The following SGK1 variants were observed in gnomAD, a reference collection of about 807,000 sequenced individuals.
SGK1 encodes the protein serum/glucocorticoid regulated kinase 1.
Under a neutral mutation model 64.2 loss-of-function variants are expected in SGK1, and 26 were observed. The observed-to-expected ratio is 0.40, with a 90% confidence interval of 0.30 to 0.56. SGK1 has a LOEUF of 0.56. SGK1 is among the 20% of genes least tolerant of loss of function. The pLI is 0.38. For synonymous variants in SGK1, 265 were observed against 239.7 expected (o/e 1.11, Z -0.98); for missense variants, 519 against 645.6 (o/e 0.80, Z 2.12).
intron 3 of SGK1, among the ~76,000 whole-genome samples, chr6:134,195,371 A>C (rs1381170665): frequency 6.6e-6 from 1 of 152,228 alleles, no homozygotes; most frequent in African/African-American, 2.4e-5. Context: ...AGCTTCAGAA[A>C]GCTAAACCCT....
intron 3 of SGK1, among the ~76,000 whole-genome samples, chr6:134,206,049 C>T (rs1316144905): frequency 6.6e-6 from 1 of 152,038 alleles, no homozygotes; most frequent in Non-Finnish European, 1.5e-5. Context: ...AATTTCTAAT[C>T]ATATAACCTG....
At position 134,172,197 on chromosome 6, in the gene SGK1, G is replaced by A. The variant is rs752059456; in HGVS notation, c.1067C>T (p.Pro356Leu). Residue 356 changes from proline to leucine, a missense_variant, in exon 10 of 14, where the codon CCG becomes CTG. By Grantham distance (98) the Pro-to-Leu change is moderately conservative (BLOSUM62 -3). Transcript: ENST00000367858. ...CCAAACCAAGACAGCGCCTACCTCC[G>A]GCGTGCCACAGAAGGTGGATGTTGT... ...NSTTSTFCGT[P>L]EYLAPEVLHK... is the part of the protein sequence containing the mutation. 8 of 1,613,788 alleles carry A rather than the reference G, an allele frequency of 5.0e-6. No individual in the cohort carries two copies. Among genetic ancestry groups the A allele is most frequent in the African/African-American group, 2.7e-5 (2 of 74,906 alleles).
At chr6:134,312,463 T>G (rs1777621906) in intron 1 of SGK1, among the ~76,000 whole-genome samples, 1 of 152,162 alleles carries the variant, frequency 6.6e-6, no homozygotes, top group African/African-American at 2.4e-5. Context: ...TCTGCTAGAG[T>G]AAACATTGTA....
chr6:134,232,942 G>A (rs988228200), intron 2 of SGK1, among the ~76,000 whole-genome samples: 1 of 151,626 alleles, frequency 6.6e-6, no homozygotes, highest in Non-Finnish European at 1.5e-5. Context: ...GTGGGAGTAC[G>A]GATGCTCTTG....
intron 2 of SGK1, among the ~76,000 whole-genome samples, chr6:134,254,981 G>A (rs781132604): frequency 6.6e-6 from 1 of 151,970 alleles, no homozygotes; most frequent in African/African-American, 2.4e-5. Flanking sequence ...CAATTCTCCA[G>A]CCTCAACCTC....
intron 3 of SGK1, among the ~76,000 whole-genome samples, chr6:134,190,416 G>T (rs1366747781): frequency 6.6e-6 from 1 of 151,852 alleles, no homozygotes; most frequent in Non-Finnish European, 1.5e-5. Context: ...CTCCCAAGTA[G>T]CTGGGATTAC....
chr6:134,173,209 C>T, intron 7 of SGK1, 55 bp from the exon 8 acceptor site: 1 of 1,609,694 alleles, frequency 6.2e-7, no homozygotes, highest in Non-Finnish European at 8.5e-7. Context: ...CACCAACATT[C>T]CAGAATCAAG....
At chr6:134,227,940 ATTCTTTT>A (rs1776210914) in intron 2 of SGK1, among the ~76,000 whole-genome samples, 1 of 121,808 alleles carries the variant, frequency 8.2e-6, no homozygotes, top group Non-Finnish European at 1.6e-5. Context: ...AATGGAATTC[ATTCTTTT>A]TTTTTTTTTT....
chr6:134,281,522 T>C lies in SGK1; in HGVS notation c.70-19374A>G, dbSNP rs182921139. On this transcript the variant is annotated intron_variant, in intron 1 of 13. Coordinates refer to ENST00000367858, the MANE Select transcript of SGK1 (RefSeq NM_001143676.3). ...TAAAACTGGCTACCAATTTGTTCTT[T>C]TTTTTTTTTTTTAGAGACAGATTCT... is the stretch of plus-strand genomic sequence containing the variant. Among the ~76,000 whole-genome samples, 726 of 150,774 alleles carry C rather than the reference T, an allele frequency of 4.8e-3. 7 individuals carry two copies. The highest frequency in any genetic ancestry group is 0.017 in the African/African-American group (683 of 41,224).
intron 2 of SGK1, among the ~76,000 whole-genome samples, chr6:134,229,892 C>T (rs1776250045): frequency 6.6e-6 from 1 of 151,920 alleles, no homozygotes; most frequent in Non-Finnish European, 1.5e-5. Context: ...AAGAAAACAT[C>T]TTGTTTAGAA....
At chr6:134,170,590 T>A in intron 13 of SGK1, 155 bp from the exon 14 acceptor site, 1 of 726,880 alleles carries the variant, frequency 1.4e-6, no homozygotes. Flanking sequence ...TACACACAGT[T>A]AAACATAAGA....
intron 2 of SGK1, among the ~76,000 whole-genome samples, chr6:134,232,484 A>AAAGAAAGAAAGAAAGG (rs1776305295): frequency 7.5e-6 from 1 of 132,556 alleles, no homozygotes; most frequent in Non-Finnish European, 1.6e-5. Flanking sequence ...AGAAAGAAAG[A>AAAGAAAGAAAGAAAGG]GAAAGAAAAA....
At chr6:134,195,925 C>T (rs1420542599) in intron 3 of SGK1, among the ~76,000 whole-genome samples, 1 of 152,124 alleles carries the variant, frequency 6.6e-6, no homozygotes, top group Non-Finnish European at 1.5e-5. Flanking sequence ...ATTCTTCTTT[C>T]AAACCATAGT....
intron 2 of SGK1, among the ~76,000 whole-genome samples, chr6:134,208,165 G>T (rs1230432457): frequency 6.6e-6 from 1 of 152,052 alleles, no homozygotes; most frequent in Non-Finnish European, 1.5e-5. Context: ...GCCCACCTCG[G>T]CCTCTCAAAG....
intron 1 of SGK1, among the ~76,000 whole-genome samples, chr6:134,294,434 A>G (rs1230464404): frequency 6.6e-6 from 1 of 152,024 alleles, no homozygotes; most frequent in Non-Finnish European, 1.5e-5. Context: ...GGACCATTCT[A>G]CTTTCTGTCT....
At chr6:134,233,286 G>A (rs1776318155) in intron 2 of SGK1, among the ~76,000 whole-genome samples, 1 of 152,138 alleles carries the variant, frequency 6.6e-6, no homozygotes, top group Admixed American at 6.6e-5. Flanking sequence ...CTAATTTGGT[G>A]TTCTGGTAGA....
At chr6:134,237,077 T>A (rs183336484) in intron 2 of SGK1, among the ~76,000 whole-genome samples, 23 of 138,368 alleles carry the variant, frequency 1.7e-4, no homozygotes, top group Non-Finnish European at 2.8e-4. Context: ...TTTTTTGAGA[T>A]GGGGTCTCAC....
chr6:134,174,418 T>G (rs1775141367), intron 4 of SGK1, 93 bp downstream of exon 4: 3 of 857,416 alleles, frequency 3.5e-6, no homozygotes, highest in South Asian at 1.5e-5. Context: ...CCAGAAGAAG[T>G]CTTCGCCTTC....
In SGK1 at chr6:134,171,136, T is replaced by G; in HGVS notation, c.1210A>C (p.Ile404Leu). 6.2e-7 allele frequency: 1 copy of G among 1,614,050 alleles called. No individual in the cohort carries two copies. Among genetic ancestry groups the G allele is most frequent in the Non-Finnish European group, 8.5e-7 (1 of 1,180,008 alleles). ...SRNTAEMYDNILNKPLQLKPN... is the reference protein window; with the variant it reads ...SRNTAEMYDNLLNKPLQLKPN... ...TTCAGCTGGAGAGGCTTGTTCAGAA[T>G]GTTGTCGTACATTTCAGCTGTGTTT... Residue 404 changes from isoleucine (I) to leucine (L), a missense_variant, in exon 12 of 14, where the codon ATT (isoleucine) becomes CTT (leucine). Physicochemically the swap from Ile to Leu is conservative, Grantham distance 5 (BLOSUM62 2). Coordinates refer to ENST00000367858, the MANE Select transcript of SGK1 (RefSeq NM_001143676.3).
Sources: allele counts gnomAD v4.1 joint callset (sites outside exome capture counted in the v4.1 genomes callset), GRCh38; gene constraint gnomAD v4.1.1; transcripts MANE v1.5; gene names NCBI Gene and HGNC (gene_info 2026-07-23, HGNC 2026-07-21).